Variants in EYA4 observed in about 807,000 individuals in gnomAD.
EYA4 encodes protein phosphatase EYA4.
A neutral mutation model predicts 87.9 loss-of-function variants in EYA4; 31 were observed. That is an observed-to-expected ratio of 0.35 (90% confidence interval 0.27 to 0.48). The LOEUF (loss-of-function observed/expected upper bound fraction) is 0.48, where lower values mean the gene tolerates loss of function less well. Ranked by LOEUF, EYA4 falls within the 20% of genes least tolerant of loss-of-function variation. The pLI is 0.99. For synonymous variants in EYA4, 263 were observed against 270.6 expected, an observed-to-expected ratio of 0.97 and a Z score of 0.28; for missense variants, 678 against 761.4, an observed-to-expected ratio of 0.89 and a Z score of 1.29.
intron 2 of EYA4, among the ~76,000 whole-genome samples, chr6:133,289,256 A>G (rs1440384264): frequency 1.3e-5 from 2 of 152,222 alleles, no homozygotes; most frequent in Non-Finnish European, 2.9e-5. Context: ...GGAATTTTCC[A>G]AAGTGCTCTT....
intron 3 of EYA4, among the ~76,000 whole-genome samples, chr6:133,417,756 TC>T (rs1299170204): frequency 1.3e-5 from 2 of 152,202 alleles, no homozygotes; most frequent in African/African-American, 4.8e-5. Context: ...ATATTGTTGT[TC>T]CCTTTACATA....
At chr6:133,292,150 A>G (rs1778539868) in intron 2 of EYA4, among the ~76,000 whole-genome samples, 1 of 152,198 alleles carries the variant, frequency 6.6e-6, no homozygotes, top group Non-Finnish European at 1.5e-5. Flanking sequence ...ATTTATATGG[A>G]ACTTACTGTA....
At chr6:133,280,327 C>T (rs150171068) in intron 2 of EYA4, among the ~76,000 whole-genome samples, 2 of 152,264 alleles carry the variant, frequency 1.3e-5, no homozygotes, top group Admixed American at 6.5e-5. Flanking sequence ...AAAGTAGATG[C>T]GTTCAGTATA....
chr6:133,504,932 A>G (rs1798462418), intron 13 of EYA4, among the ~76,000 whole-genome samples: 1 of 152,220 alleles, frequency 6.6e-6, no homozygotes, highest in South Asian at 2.1e-4. Context: ...AAATCCCTGC[A>G]GTCTGGCTCC....
intron 2 of EYA4, among the ~76,000 whole-genome samples, chr6:133,312,411 G>C (rs975288812): frequency 1.9e-4 from 29 of 149,010 alleles, no homozygotes; most frequent in African/African-American, 2.5e-4. Context: ...CACACACACA[G>C]AGATAAAGCA....
chr6:133,489,348 A>G (rs941986715), intron 13 of EYA4, among the ~76,000 whole-genome samples: 1 of 152,176 alleles, frequency 6.6e-6, no homozygotes, highest in Non-Finnish European at 1.5e-5. Flanking sequence ...GAAAAGGATA[A>G]TAACAGAGAA....
At chr6:133,382,793 A>AC (rs1786341761) in intron 3 of EYA4, among the ~76,000 whole-genome samples, 1 of 86,624 alleles carries the variant, frequency 1.2e-5, no homozygotes, top group African/African-American at 3.3e-5. Context: ...ATCTGTGTTT[A>AC]CAAAAAAAAA....
intron 4 of EYA4, 97 bp from the exon 5 acceptor site, chr6:133,448,014 G>T (rs1473356541): frequency 2.3e-6 from 2 of 877,072 alleles, no homozygotes; most frequent in African/African-American, 1.6e-5. Context: ...TTATAATTTT[G>T]GCTAAAAGGT....
intron 1 of EYA4, among the ~76,000 whole-genome samples, chr6:133,273,746 C>A (rs1299711571): frequency 6.6e-6 from 1 of 152,102 alleles, no homozygotes; most frequent in African/African-American, 2.4e-5. Context: ...TGAATTTGAA[C>A]ACAGTTTTAT....
At chr6:133,465,955 A>G (rs533908720) in intron 10 of EYA4, among the ~76,000 whole-genome samples, 5 of 152,072 alleles carry the variant, frequency 3.3e-5, no homozygotes, top group Non-Finnish European at 7.4e-5. Flanking sequence ...TATACATTTT[A>G]TTTTTTAAAA....
At chr6:133,363,813 G>A (rs1047348582) in intron 2 of EYA4, among the ~76,000 whole-genome samples, 2 of 152,146 alleles carry the variant, frequency 1.3e-5, no homozygotes, top group Admixed American at 1.3e-4. Flanking sequence ...CCCGCTTTCG[G>A]GTCCAGTCAT....
chr6:133,295,711 A>G (rs1778895658), intron 2 of EYA4, among the ~76,000 whole-genome samples: 1 of 152,216 alleles, frequency 6.6e-6, no homozygotes. Context: ...GAAATTAGCA[A>G]ACATGAGATC....
chr6:133,334,076 C>G (rs1310578523), intron 2 of EYA4, among the ~76,000 whole-genome samples: 1 of 152,150 alleles, frequency 6.6e-6, no homozygotes, highest in East Asian at 1.9e-4. Flanking sequence ...CAACATTGAG[C>G]CTCCTTATAG....
chr6:133,524,659 A>G (rs1400028972), intron 18 of EYA4, among the ~76,000 whole-genome samples: 2 of 152,154 alleles, frequency 1.3e-5, no homozygotes, highest in African/African-American at 4.8e-5. Flanking sequence ...TTTCTCTAGA[A>G]CACATTTAGC....
In EYA4 at chr6:133,408,503, TTTA is replaced by T. The variant is rs1359925787; in HGVS notation, c.83+26069_83+26071del. On this transcript the variant is annotated intron_variant, in intron 3 of 19. Coordinates refer to ENST00000355286, the MANE Select transcript of EYA4 (RefSeq NM_004100.5). The stretch of plus-strand genomic sequence containing the variant: ...TTCAGTTTTGGAAAAAAAAATTAAA[TTTA>T]TTATTACAAAGGCAATCTAGTAGAG... Among the ~76,000 whole-genome samples the T allele has an allele frequency of 3.9e-5, 6 of 152,308 alleles. No homozygotes were observed. The South Asian group carries it at 1.2e-3, about 32-fold the overall frequency.
rs549055176 is a variant in EYA4 at position 133,492,879 on chromosome 6, C to A, written c.1191+9764C>A. 4.6e-5 allele frequency among the ~76,000 whole-genome samples: 7 copies of A among 151,940 alleles called. No individual in the cohort carries two copies. The South Asian group carries it at 1.5e-3, about 32-fold the overall frequency. On this transcript the variant is annotated intron_variant, in intron 13 of 19. Coordinates refer to ENST00000355286, the MANE Select transcript of EYA4 (RefSeq NM_004100.5). The stretch of plus-strand genomic sequence containing the variant: ...AATAGCTACATATAAAATAAAATTC[C>A]TAGGAATTAACCAAAGAAATGAAAG...
intron 13 of EYA4, 150 bp downstream of exon 13, chr6:133,483,265 T>A (rs1056971147): frequency 1.5e-5 from 9 of 612,040 alleles, no homozygotes; most frequent in Admixed American, 6.3e-5. Flanking sequence ...TGTCTTATAG[T>A]TCTTTAATAT....
At chr6:133,363,806 G>A (rs1356147027) in intron 2 of EYA4, among the ~76,000 whole-genome samples, 6 of 152,126 alleles carry the variant, frequency 3.9e-5, no homozygotes, top group Admixed American at 6.5e-5. Context: ...TGATGTTCCC[G>A]CTTTCGGGTC....
chr6:133,330,366 A>G (rs1781828815), intron 2 of EYA4, among the ~76,000 whole-genome samples: 1 of 152,064 alleles, frequency 6.6e-6, no homozygotes. Context: ...ATTGCTCTGT[A>G]ATTATAAATT....
Sources: allele counts gnomAD v4.1 joint callset (sites outside exome capture counted in the v4.1 genomes callset), GRCh38; gene constraint gnomAD v4.1.1; transcripts MANE v1.5; gene names NCBI Gene and HGNC (gene_info 2026-07-23, HGNC 2026-07-21).